ABCA13: variants seen among roughly 807,000 people sequenced by gnomAD.
ABCA13 encodes the protein ATP-binding cassette sub-family A member 13.
ABCA13 carries 476 observed loss-of-function variants against 478.7 expected under a neutral mutation model. The observed-to-expected ratio is 0.99, with a 90% CI of 0.92 to 1.07. The LOEUF is 1.07. Among genes scored for constraint, ABCA13 ranks in the 50% least tolerant of loss-of-function variants. ABCA13 has a pLI of 0.00. For synonymous variants in ABCA13, 2,252 were observed against 2,158.9 expected, an observed-to-expected ratio of 1.04 and a Z score of -1.20; for missense variants, 6,060 against 5,910.6, an observed-to-expected ratio of 1.03 and a Z score of -0.83.
At chr7:48,566,326 T>TA in intron 55 of ABCA13, among the ~76,000 whole-genome samples, 2 of 152,310 alleles carry the variant, frequency 1.3e-5, no homozygotes, top group Middle Eastern at 6.8e-3. Context: ...CACCCAGGAC[T>TA]AAAAAATGTC....
intron 56 of ABCA13, among the ~76,000 whole-genome samples, chr7:48,581,258 C>T (rs2131368214): frequency 6.6e-6 from 1 of 152,272 alleles, no homozygotes; most frequent in East Asian, 1.9e-4. Flanking sequence ...CCTTCGCCTT[C>T]ACTGGTCCAT....
intron 39 of ABCA13, among the ~76,000 whole-genome samples, chr7:48,406,585 C>G (rs1818290112): frequency 1.3e-5 from 2 of 152,142 alleles, no homozygotes; most frequent in Admixed American, 1.3e-4. Context: ...TAGCATTGCT[C>G]TTTGAGGCCG....
At chr7:48,399,579 G>A (rs908217909) in intron 38 of ABCA13, among the ~76,000 whole-genome samples, 1 of 152,210 alleles carries the variant, frequency 6.6e-6, no homozygotes, top group South Asian at 2.1e-4. Flanking sequence ...CAAGGTCTAG[G>A]ATGTAACTTG....
intron 29 of ABCA13, among the ~76,000 whole-genome samples, chr7:48,348,339 C>A (rs1808425568): frequency 2.0e-5 from 3 of 152,232 alleles, no homozygotes; most frequent in Admixed American, 2.0e-4. Context: ...ATCCTTCTAG[C>A]TCCTCTTTGA....
At chr7:48,618,154 C>T (rs1051168287) in intron 59 of ABCA13, among the ~76,000 whole-genome samples, 2 of 152,096 alleles carry the variant, frequency 1.3e-5, no homozygotes, top group African/African-American at 2.4e-5. Flanking sequence ...CACTTTCTAC[C>T]CCAATCTGCA....
At chr7:48,411,608 T>C (rs559925100) in intron 40 of ABCA13, among the ~76,000 whole-genome samples, 1 of 152,250 alleles carries the variant, frequency 6.6e-6, no homozygotes, top group South Asian at 2.1e-4. Flanking sequence ...ATGCCCAGCC[T>C]AGAAATATTT....
Position 48,587,292 on chromosome 7 carries a change from A to T in ABCA13, c.14640+4A>T. The T allele has an allele frequency of 6.3e-7, 1 of 1,599,006 alleles. No homozygotes were observed. Among genetic ancestry groups the T allele is most frequent in the Non-Finnish European group, 8.5e-7 (1 of 1,171,724 alleles). On this transcript the variant is annotated splice_donor_region_variant and intron_variant, in intron 57 of 61. Coordinates refer to ENST00000435803, the MANE Select transcript of ABCA13 (RefSeq NM_152701.5). The stretch of plus-strand genomic sequence containing the variant: ...GAAACCTGACATTCTTTTATTGGTG[A>T]GTAGAAGAATGTCAATATCTTGGAG...
chr7:48,317,327 C>G (rs1288227905), intron 27 of ABCA13, 31 bp downstream of exon 27: 2 of 1,589,894 alleles, frequency 1.3e-6, no homozygotes, highest in Non-Finnish European at 8.6e-7. Context: ...ATCATATAGA[C>G]CATACATACA....
intron 27 of ABCA13, among the ~76,000 whole-genome samples, chr7:48,328,461 T>C (rs1287479451): frequency 6.6e-6 from 1 of 152,214 alleles, no homozygotes; most frequent in Non-Finnish European, 1.5e-5. Flanking sequence ...ATTTTACAAG[T>C]GGCCTTGTTT....
intron 31 of ABCA13, among the ~76,000 whole-genome samples, chr7:48,360,606 T>TAAA (rs1810675441): frequency 6.6e-6 from 1 of 151,996 alleles, no homozygotes; most frequent in African/African-American, 2.4e-5. Context: ...TAATTCACAC[T>TAAA]TAATATCCTG....
At position 48,275,269 on chromosome 7, in the gene ABCA13, G is replaced by A; in HGVS notation, c.5603G>A (p.Gly1868Asp). 1.2e-6 allele frequency: 2 copies of A among 1,613,846 alleles called. No homozygotes were observed. Among genetic ancestry groups the A allele is most frequent in the Non-Finnish European group, 1.7e-6 (2 of 1,179,840 alleles). ...ILDHFHLSPQ[G>D]EDSPCSNESS... Reference sequence around the variant, plus strand: ...GATCATTTCCACCTGTCTCCCCAAGGTGAAGATTCACCATGTTCAAATGAA... The same window carrying A: ...GATCATTTCCACCTGTCTCCCCAAGATGAAGATTCACCATGTTCAAATGAA... The change falls in exon 17 of 62, where the codon GGT (glycine) becomes GAT (aspartate). Residue 1868 changes from glycine (G) to aspartate (D), a missense_variant. Transcript: ENST00000435803.
chr7:48,507,902 C>T lies in ABCA13; in HGVS notation c.13377C>T (p.Ala4459=), dbSNP rs1358980901. Reference sequence around the variant, plus strand: ...AGAGCATCCGTCAGTGTGGAGTGGCCCTCTGCATCGTGCTGGGATTCTCCA... The same window carrying T: ...AGAGCATCCGTCAGTGTGGAGTGGCTCTCTGCATCGTGCTGGGATTCTCCA... ...ILESIRQCGV[A]LCIVLGFSIL... Residue 4459 remains alanine (A), a synonymous_variant, in exon 50 of 62, where the codon GCC becomes GCT. Transcript: ENST00000435803. 7 of 1,611,982 alleles carry T rather than the reference C, an allele frequency of 4.3e-6. No homozygotes were observed. Among genetic ancestry groups the T allele is most frequent in the Non-Finnish European group, 5.9e-6 (7 of 1,179,208 alleles).
intron 41 of ABCA13, among the ~76,000 whole-genome samples, chr7:48,424,904 T>G (rs1204933412): frequency 6.6e-6 from 1 of 152,244 alleles, no homozygotes; most frequent in Non-Finnish European, 1.5e-5. Context: ...TGGGCTACTT[T>G]GACATTTTGT....
At chr7:48,486,332 C>T (rs1022657306) in intron 47 of ABCA13, among the ~76,000 whole-genome samples, 1 of 152,190 alleles carries the variant, frequency 6.6e-6, no homozygotes, top group Non-Finnish European at 1.5e-5. Flanking sequence ...TCAACATTCT[C>T]TCAAGAGAGC....
intron 13 of ABCA13, among the ~76,000 whole-genome samples, chr7:48,247,298 A>T (rs867327955): frequency 3.3e-5 from 5 of 152,124 alleles, no homozygotes; most frequent in South Asian, 2.1e-4. Flanking sequence ...GGCACAAAAA[A>T]CATTACCTGT....
chr7:48,640,383 G>A (rs1429167671), intron 59 of ABCA13, among the ~76,000 whole-genome samples: 2 of 152,130 alleles, frequency 1.3e-5, no homozygotes, highest in South Asian at 4.1e-4. Flanking sequence ...AAATATATGT[G>A]TGTATGTTTT....
intron 57 of ABCA13, among the ~76,000 whole-genome samples, chr7:48,589,205 C>T (rs1187988846): frequency 6.6e-6 from 1 of 152,152 alleles, no homozygotes; most frequent in African/African-American, 2.4e-5. Flanking sequence ...AAGGAGAAAG[C>T]TTCAAGTTCT....
intron 43 of ABCA13, among the ~76,000 whole-genome samples, chr7:48,458,488 A>G (rs1166842604): frequency 6.6e-6 from 1 of 152,232 alleles, no homozygotes; most frequent in Non-Finnish European, 1.5e-5. Context: ...GCTTTCAAAA[A>G]TCATGAATGC....
chr7:48,204,904 A>G (rs1398200041), intron 3 of ABCA13, among the ~76,000 whole-genome samples: 2 of 152,140 alleles, frequency 1.3e-5, no homozygotes, highest in South Asian at 2.1e-4. Flanking sequence ...AGAAAGAAAA[A>G]ACGATCCAAG....
Sources: allele counts gnomAD v4.1 joint callset (sites outside exome capture counted in the v4.1 genomes callset), GRCh38; gene constraint gnomAD v4.1.1; transcripts MANE v1.5; gene names NCBI Gene and HGNC (gene_info 2026-07-23, HGNC 2026-07-21).